Variants in LIMK1 observed in about 807,000 individuals in gnomAD.
LIMK1 encodes the protein LIM motif-containing protein kinase.
In LIMK1, 21 loss-of-function variants were observed where a neutral mutation model predicts 77.6. The observed-to-expected ratio is 0.27, with a 90% CI of 0.19 to 0.39. The LOEUF (loss-of-function observed/expected upper bound fraction) is 0.39. Among genes scored for constraint, LIMK1 ranks in the 10% least tolerant of loss-of-function variants. LIMK1 has a pLI of 1.00. For synonymous variants in LIMK1, 358 were observed against 370.0 expected (o/e 0.97, Z 0.37); for missense variants, 696 against 901.6 (o/e 0.77, Z 2.92).
At chr7:74,107,343 A>T in intron 8 of LIMK1, 150 bp downstream of exon 8, 4 of 824,946 alleles carry the variant, frequency 4.8e-6, no homozygotes, top group Non-Finnish European at 7.3e-6. Flanking sequence ...CCTGGAGCTA[A>T]TTAGGAACAG....
At chr7:74,107,217 G>A (rs1799595650) in intron 8 of LIMK1, 24 bp downstream of exon 8, 1 of 1,587,678 alleles carries the variant, frequency 6.3e-7, no homozygotes, top group Non-Finnish European at 8.6e-7. Flanking sequence ...CAGGGTCTCA[G>A]GGGACAGTCT....
chr7:74,118,258 TC>T (rs1291607105), intron 13 of LIMK1, among the ~76,000 whole-genome samples: 1 of 147,728 alleles, frequency 6.8e-6, no homozygotes, highest in African/African-American at 2.5e-5. Context: ...GCGTCTGTAG[TC>T]CCAGCTACCC....
intron 13 of LIMK1, among the ~76,000 whole-genome samples, chr7:74,117,397 A>C (rs952678367): frequency 6.6e-6 from 1 of 151,926 alleles, no homozygotes; most frequent in African/African-American, 2.4e-5. Context: ...CAAGACCCTC[A>C]ACTTAATCCC....
At position 74,106,164 on chromosome 7, in the gene LIMK1, C is replaced by T. The variant is rs782143183; in HGVS notation, c.802C>T (p.Pro268Ser). 1 of 1,614,028 alleles carries T rather than the reference C, an allele frequency of 6.2e-7. No individual in the cohort carries two copies. Among genetic ancestry groups the T allele is most frequent in the South Asian group, 1.1e-5 (1 of 91,080 alleles). ...PHDTLGHGLG[P>S]ETSPLSSPAY... ...CGATACACTGGGCCACGGGCTGGGG[C>T]CTGAGACCAGCCCCCTGAGCTCTCC... Residue 268 changes from proline (P) to serine (S), a missense_variant, in exon 7 of 16, where the codon CCT becomes TCT. Pro to Ser is a moderately conservative substitution (Grantham distance 74, BLOSUM62 -1). Around this residue, in one of 3 missense-constraint regions of LIMK1, gnomAD observed 438 missense variants for 602.3 expected, o/e 0.73. Coordinates refer to ENST00000336180, the MANE Select transcript of LIMK1 (RefSeq NM_002314.4).
chr7:74,097,822 T>A (rs1799365978), intron 4 of LIMK1, among the ~76,000 whole-genome samples: 1 of 152,148 alleles, frequency 6.6e-6, no homozygotes, highest in Non-Finnish European at 1.5e-5. Flanking sequence ...CAGCCACAAG[T>A]TCAGGGGTCC....
chr7:74,120,810 C>G, intron 14 of LIMK1, 82 bp from the exon 15 acceptor site: 1 of 1,588,660 alleles, frequency 6.3e-7, no homozygotes, highest in South Asian at 1.1e-5. Flanking sequence ...CCAGTGCCAC[C>G]TGCCCTCAAA....
intron 13 of LIMK1, 45 bp downstream of exon 13, chr7:74,116,003 T>C (rs1799801134): frequency 1.3e-6 from 2 of 1,590,958 alleles, no homozygotes; most frequent in Non-Finnish European, 1.7e-6. Context: ...CGGGAAGCCA[T>C]GGGGGAGCCC....
chr7:74,117,287 G>A (rs781978428), intron 13 of LIMK1, among the ~76,000 whole-genome samples: 6 of 152,020 alleles, frequency 3.9e-5, no homozygotes, highest in Non-Finnish European at 7.4e-5. Context: ...CAAAGTGCTG[G>A]GATTCCAGGC....
chr7:74,093,129 AC>A, intron 2 of LIMK1: 1 of 1,447,500 alleles, frequency 6.9e-7, no homozygotes, highest in Non-Finnish European at 9.1e-7. Flanking sequence ...CGCTGCAGCC[AC>A]GCTGGCCCCA....
intron 12 of LIMK1, 130 bp from the exon 13 acceptor site, chr7:74,115,672 G>T: frequency 9.9e-7 from 1 of 1,014,974 alleles, no homozygotes. Flanking sequence ...TCCCCACCCT[G>T]TGCCAATACA....
chr7:74,085,613 T>C, intron 1 of LIMK1, 135 bp from the exon 2 acceptor site: 1 of 738,966 alleles, frequency 1.4e-6, no homozygotes, highest in South Asian at 1.5e-5. Flanking sequence ...GCGACTGCCC[T>C]GCCTGGGCGC....
At chr7:74,112,686 G>A (rs1017185003) in intron 12 of LIMK1, among the ~76,000 whole-genome samples, 6 of 152,086 alleles carry the variant, frequency 3.9e-5, no homozygotes, top group Non-Finnish European at 7.4e-5. Flanking sequence ...TTAGCCGGGC[G>A]TGGTGGCAGG....
At chr7:74,100,329 G>A (rs2115677514) in intron 5 of LIMK1, among the ~76,000 whole-genome samples, 1 of 152,322 alleles carries the variant, frequency 6.6e-6, no homozygotes, top group Non-Finnish European at 1.5e-5. Context: ...TTTGAACAAT[G>A]AGGGAGTTGG....
chr7:74,093,049 T>A, intron 2 of LIMK1: 1 of 1,219,422 alleles, frequency 8.2e-7, no homozygotes, highest in Non-Finnish European at 1.1e-6. Flanking sequence ...CAAAGGGTGC[T>A]TCAGCCACTT....
intron 10 of LIMK1, chr7:74,110,731 A>AT (rs1799681114): frequency 6.6e-6 from 1 of 151,638 alleles, no homozygotes; most frequent in Non-Finnish European, 1.5e-5. Flanking sequence ...GGGTTTCACC[A>AT]TGTTGGTCAG....
intron 10 of LIMK1, chr7:74,110,122 AG>A (rs1799664626): frequency 6.6e-6 from 1 of 152,092 alleles, no homozygotes; most frequent in Non-Finnish European, 1.5e-5. Context: ...CCGAGGCAGG[AG>A]GGTCACTAGA....
intron 7 of LIMK1, 49 bp downstream of exon 7, chr7:74,106,292 G>C: frequency 6.5e-7 from 1 of 1,547,924 alleles, no homozygotes; most frequent in Non-Finnish European, 8.7e-7. Flanking sequence ...ACTCCTGCTG[G>C]GGCTCAGGGG....
At chr7:74,101,363 T>C (rs1799455560) in intron 5 of LIMK1, among the ~76,000 whole-genome samples, 1 of 152,188 alleles carries the variant, frequency 6.6e-6, no homozygotes, top group African/African-American at 2.4e-5. Context: ...GACAGTCAGC[T>C]GGGTGCAGCG....
At chr7:74,085,457 T>C (rs141877582) in intron 1 of LIMK1, among the ~76,000 whole-genome samples, 1 of 152,220 alleles carries the variant, frequency 6.6e-6, no homozygotes, top group Non-Finnish European at 1.5e-5. Context: ...TCATTTACCT[T>C]GCCAGATCCA....
Sources: allele counts gnomAD v4.1 joint callset (sites outside exome capture counted in the v4.1 genomes callset), GRCh38; gene constraint gnomAD v4.1.1; regional missense constraint gnomAD v4.1.1; transcripts MANE v1.5; gene names NCBI Gene and HGNC (gene_info 2026-07-23, HGNC 2026-07-21).